ABCA6: variants seen among roughly 807,000 people sequenced by gnomAD.
ABCA6 encodes ATP-binding cassette sub-family A member 6.
ABCA6 carries 164 observed loss-of-function variants against 191.2 expected under a neutral mutation model. The ratio of observed to expected loss-of-function variants is 0.86; its 90% confidence interval spans 0.76 to 0.98. The LOEUF (loss-of-function observed/expected upper bound fraction) is 0.98, where lower values mean the gene tolerates loss of function less well. ABCA6 is among the 50% of genes least tolerant of loss of function. The pLI is 0.00. For missense variants in ABCA6, 1,958 were observed against 1,894.1 expected (o/e 1.03, Z -0.63); for synonymous variants, 636 against 647.7 (o/e 0.98, Z 0.27).
chr17:69,090,526 T>G (rs2072900606), intron 26 of ABCA6, among the ~76,000 whole-genome samples: 1 of 152,234 alleles, frequency 6.6e-6, no homozygotes, highest in South Asian at 2.1e-4. Context: ...ACACACCAGC[T>G]GTGCCTTGTG....
intron 13 of ABCA6, among the ~76,000 whole-genome samples, chr17:69,114,242 T>G (rs1253301979): frequency 6.6e-6 from 1 of 151,968 alleles, no homozygotes; most frequent in African/African-American, 2.4e-5. Context: ...CCATAAAAAA[T>G]GATGAGTTCA....
At chr17:69,120,652 T>A (rs77816220) in intron 10 of ABCA6, among the ~76,000 whole-genome samples, 70 of 152,198 alleles carry the variant, frequency 4.6e-4, no homozygotes, top group South Asian at 3.9e-3. Flanking sequence ...TAAAATGGAA[T>A]CCCTGTTGAA....
chr17:69,116,596 C>T (rs147622423), intron 11 of ABCA6, among the ~76,000 whole-genome samples: 4 of 152,110 alleles, frequency 2.6e-5, no homozygotes, highest in Admixed American at 2.6e-4. Context: ...TTTTATTACA[C>T]TAAAAATTGG....
intron 30 of ABCA6, 80 bp downstream of exon 30, chr17:69,086,532 CAGCGAG>C: frequency 1.8e-6 from 1 of 547,538 alleles, no homozygotes; most frequent in East Asian, 4.7e-5. Context: ...ATGAATGCTT[CAGCGAG>C]TAAAACTGTG....
chr17:69,138,623 A>G (rs1026744199), intron 2 of ABCA6, among the ~76,000 whole-genome samples: 2 of 151,616 alleles, frequency 1.3e-5, no homozygotes, highest in African/African-American at 4.9e-5. Context: ...ACCAAAAAAG[A>G]GCCCGCATCG....
At chr17:69,108,144 T>C (rs1337896074) in intron 17 of ABCA6, 2 of 229,134 alleles carry the variant, frequency 8.7e-6, no homozygotes, top group Non-Finnish European at 1.7e-5. Context: ...TCTCTACCTA[T>C]ATTCTGGGTC....
intron 6 of ABCA6, among the ~76,000 whole-genome samples, chr17:69,133,268 G>C (rs999974580): frequency 3.3e-5 from 5 of 152,216 alleles, no homozygotes; most frequent in Non-Finnish European, 7.3e-5. Context: ...TTAACTGTAA[G>C]AAGACCAGGC....
rs767294218 is a variant in ABCA6 at position 69,085,622 on chromosome 17, T to C, written c.4029+3A>G. The stretch of plus-strand genomic sequence containing the variant: ...TTGGAAATGGAAACCATTTCCTCAC[T>C]ACCTCTCCAGCAGTTGGCTTTGTGA... On this transcript the variant is annotated splice_donor_region_variant and intron_variant, in intron 31 of 38. Coordinates refer to ENST00000284425, the MANE Select transcript of ABCA6 (RefSeq NM_080284.3). 6.2e-7 allele frequency: 1 copy of C among 1,603,108 alleles called. No individual in the cohort carries two copies. The highest frequency in any genetic ancestry group is 1.1e-5 in the South Asian group (1 of 90,208).
intron 10 of ABCA6, among the ~76,000 whole-genome samples, chr17:69,121,141 T>C (rs925219770): frequency 1.3e-5 from 2 of 152,088 alleles, no homozygotes; most frequent in Non-Finnish European, 2.9e-5. Context: ...TCATACAAAA[T>C]AGAATTCACA....
At chr17:69,128,567 G>A (rs1331571599) in intron 8 of ABCA6, 52 bp downstream of exon 8, 2 of 1,430,346 alleles carry the variant, frequency 1.4e-6, no homozygotes, top group African/African-American at 1.4e-5. Flanking sequence ...AGCGTATGAA[G>A]TATCTACTTC....
chr17:69,083,893 G>GA (rs1232269726), intron 34 of ABCA6, among the ~76,000 whole-genome samples: 6 of 151,010 alleles, frequency 4.0e-5, no homozygotes, highest in South Asian at 4.2e-4. Flanking sequence ...CATTAAAAAG[G>GA]AAAAAAAACA....
At chr17:69,100,714 T>A (rs193190811) in intron 22 of ABCA6, 83 bp downstream of exon 22, 1 of 1,358,714 alleles carries the variant, frequency 7.4e-7, no homozygotes, top group East Asian at 2.5e-5. Flanking sequence ...CAATCACTTA[T>A]GGATATTTAA....
At chr17:69,091,990 A>G (rs1390196425) in intron 25 of ABCA6, among the ~76,000 whole-genome samples, 2 of 152,190 alleles carry the variant, frequency 1.3e-5, no homozygotes, top group African/African-American at 4.8e-5. Flanking sequence ...ACTGTCTCTC[A>G]ACCAGACTAC....
intron 10 of ABCA6, among the ~76,000 whole-genome samples, chr17:69,120,674 ATGTTT>A (rs2073623686): frequency 6.6e-6 from 1 of 152,088 alleles, no homozygotes; most frequent in Admixed American, 6.6e-5. Flanking sequence ...TGAAACTTTA[ATGTTT>A]TGTTTTAATA....
At chr17:69,114,598 A>C (rs2073500815) in intron 13 of ABCA6, among the ~76,000 whole-genome samples, 164 bp downstream of exon 13, 1 of 152,132 alleles carries the variant, frequency 6.6e-6, no homozygotes, top group African/African-American at 2.4e-5. Flanking sequence ...GATTCATATT[A>C]TGCAATTTTA....
At chr17:69,108,504 T>A (rs2144663512) in intron 17 of ABCA6, 1 of 152,358 alleles carries the variant, frequency 6.6e-6, no homozygotes, top group Non-Finnish European at 1.5e-5. Flanking sequence ...CCCTATCTAG[T>A]TAGATGTAGG....
At chr17:69,081,434 C>T (rs1326918724) in intron 36 of ABCA6, among the ~76,000 whole-genome samples, 2 of 151,720 alleles carry the variant, frequency 1.3e-5, no homozygotes, top group Non-Finnish European at 1.5e-5. Context: ...TTGATTAGTT[C>T]GAATTAGGTT....
At chr17:69,079,135 C>G in intron 38 of ABCA6, 61 bp from the exon 39 acceptor site, 1 of 1,578,636 alleles carries the variant, frequency 6.3e-7, no homozygotes, top group Non-Finnish European at 8.7e-7. Flanking sequence ...GTTGGTCTTC[C>G]AAATGAACAG....
At chr17:69,134,586 G>A in intron 5 of ABCA6, 53 bp downstream of exon 5, 1 of 1,295,292 alleles carries the variant, frequency 7.7e-7, no homozygotes, top group Non-Finnish European at 1.1e-6. Context: ...AAATCTTGAG[G>A]TCTCTGGAAG....
Sources: gnomAD v4.1 joint callset for allele counts (sites outside exome capture counted in the v4.1 genomes callset) on GRCh38, gnomAD v4.1.1 for gene constraint, MANE v1.5 for transcripts, NCBI Gene and HGNC (gene_info 2026-07-23, HGNC 2026-07-21) for gene names.